Variants in CDH12 observed in about 807,000 individuals in gnomAD.
CDH12 encodes the protein cadherin-12.
CDH12 carries 41 observed loss-of-function variants against 74.1 expected under a neutral mutation model. That is an observed-to-expected ratio of 0.55 (90% CI 0.43 to 0.72). CDH12 has a LOEUF of 0.72. Ranked by LOEUF, CDH12 falls within the 30% of genes least tolerant of loss-of-function variation. CDH12 has a pLI of 0.00. For synonymous variants in CDH12, 399 were observed against 355.0 expected (o/e 1.12, Z -1.39); for missense variants, 945 against 977.2 (o/e 0.97, Z 0.44).
intron 6 of CDH12, among the ~76,000 whole-genome samples, chr5:21,885,125 G>T (rs1214862988): frequency 6.6e-6 from 1 of 152,086 alleles, no homozygotes; most frequent in African/African-American, 2.4e-5. Context: ...GACCTCAGGT[G>T]ATCCACTTGT....
At chr5:22,819,986 T>C (rs1287455422) in intron 1 of CDH12, among the ~76,000 whole-genome samples, 1 of 145,552 alleles carries the variant, frequency 6.9e-6, no homozygotes, top group Admixed American at 7.0e-5. Context: ...TACATATATA[T>C]ACATATACAT....
chr5:22,612,154 T>C (rs1489322342), intron 1 of CDH12, among the ~76,000 whole-genome samples: 1 of 152,174 alleles, frequency 6.6e-6, no homozygotes, highest in Non-Finnish European at 1.5e-5. Flanking sequence ...AAATGATCTT[T>C]CAATACGCTG....
At chr5:21,803,693 T>C (rs557879785) in intron 9 of CDH12, among the ~76,000 whole-genome samples, 213 of 152,270 alleles carry the variant, frequency 1.4e-3, no homozygotes, top group Middle Eastern at 3.4e-3. Context: ...AATTTAACAT[T>C]AACATGGTGA....
At chr5:22,448,976 T>C (rs1382011698) in intron 2 of CDH12, among the ~76,000 whole-genome samples, 1 of 151,820 alleles carries the variant, frequency 6.6e-6, no homozygotes, top group African/African-American at 2.4e-5. Context: ...TGTCTTCATA[T>C]AATAATAAAA....
Position 22,838,339 on chromosome 5 carries a change from G to A in CDH12, c.-523+14719C>T, listed in dbSNP as rs1736925133. ...CAGATTTTCTTGCCAACTTTGACTG[G>A]TTCACCTGCACCCGTGCTTCAGGCA... is the stretch of plus-strand genomic sequence containing the variant. On this transcript the variant is annotated intron_variant, in intron 1 of 14. Transcript: ENST00000382254. 2.0e-5 allele frequency among the ~76,000 whole-genome samples: 3 copies of A among 152,074 alleles called. No individual in the cohort carries two copies. The South Asian group carries it at 6.2e-4, about 31-fold the overall frequency.
At chr5:21,777,877 T>C (rs1003047515) in intron 11 of CDH12, among the ~76,000 whole-genome samples, 3 of 152,206 alleles carry the variant, frequency 2.0e-5, no homozygotes, top group Non-Finnish European at 2.9e-5. Flanking sequence ...TTGAAGTATA[T>C]ATACATTGTA....
intron 2 of CDH12, among the ~76,000 whole-genome samples, chr5:22,484,449 G>T (rs897083784): frequency 1.3e-5 from 2 of 152,112 alleles, no homozygotes; most frequent in Non-Finnish European, 2.9e-5. Context: ...TAATCATGTT[G>T]CACACTCCTT....
chr5:22,601,517 G>A (rs185539298), intron 1 of CDH12, among the ~76,000 whole-genome samples: 74 of 152,088 alleles, frequency 4.9e-4, no homozygotes, highest in East Asian at 4.8e-3. Context: ...ACAATCTCTC[G>A]TGGCATGCCA....
At chr5:21,781,046 C>T (rs973891133) in intron 11 of CDH12, among the ~76,000 whole-genome samples, 4 of 152,092 alleles carry the variant, frequency 2.6e-5, no homozygotes, top group Admixed American at 2.6e-4. Context: ...TGGTAGCTAA[C>T]TCACTGATCA....
intron 3 of CDH12, among the ~76,000 whole-genome samples, chr5:22,345,003 GCATA>G (rs1271000137): frequency 6.6e-6 from 1 of 152,100 alleles, no homozygotes; most frequent in Non-Finnish European, 1.5e-5. Flanking sequence ...TCTGTAATTG[GCATA>G]CATTTCAAAA....
chr5:22,054,521 G>T (rs1451871290), intron 5 of CDH12, among the ~76,000 whole-genome samples: 1 of 151,966 alleles, frequency 6.6e-6, no homozygotes, highest in African/African-American at 2.4e-5. Context: ...CAGATATATG[G>T]TAAAGAAACT....
chr5:22,724,738 G>A (rs1415494575), intron 1 of CDH12, among the ~76,000 whole-genome samples: 1 of 151,736 alleles, frequency 6.6e-6, no homozygotes, highest in Non-Finnish European at 1.5e-5. Context: ...ATGGCATAAT[G>A]TTCCATCTTT....
At chr5:22,532,350 G>GAGATATATATATATATATAT (rs1737621393) in intron 1 of CDH12, among the ~76,000 whole-genome samples, 2 of 27,576 alleles carry the variant, frequency 7.3e-5, no homozygotes, top group South Asian at 1.5e-3. Context: ...ATATAAATAG[G>GAGATATATATATATATATAT]ATATATATAT....
At chr5:22,623,179 A>T (rs2126843688) in intron 1 of CDH12, among the ~76,000 whole-genome samples, 1 of 152,340 alleles carries the variant, frequency 6.6e-6, no homozygotes, top group South Asian at 2.1e-4. Flanking sequence ...TCAAAACAAT[A>T]AGAGCTATTT....
chr5:22,835,666 G>A (rs557930955), intron 1 of CDH12, among the ~76,000 whole-genome samples: 1 of 152,188 alleles, frequency 6.6e-6, no homozygotes, highest in African/African-American at 2.4e-5. Flanking sequence ...TTTTCACTCA[G>A]CATTAGAATC....
intron 3 of CDH12, among the ~76,000 whole-genome samples, chr5:22,234,306 T>C (rs1580431648): frequency 6.6e-6 from 1 of 152,038 alleles, no homozygotes; most frequent in East Asian, 1.9e-4. Flanking sequence ...TTCCCACGTG[T>C]TGTGGGAAGG....
At chr5:22,097,154 C>A (rs1743831190) in intron 4 of CDH12, among the ~76,000 whole-genome samples, 1 of 152,134 alleles carries the variant, frequency 6.6e-6, no homozygotes, top group African/African-American at 2.4e-5. Context: ...AAAGAATGCC[C>A]CACAGCCTAG....
At chr5:22,030,179 G>A (rs890519052) in intron 5 of CDH12, among the ~76,000 whole-genome samples, 8 of 151,706 alleles carry the variant, frequency 5.3e-5, no homozygotes, top group African/African-American at 1.5e-4. Context: ...ATGAGTTAAT[G>A]GGTGCAACAC....
At chr5:21,901,232 A>G (rs1042234551) in intron 6 of CDH12, among the ~76,000 whole-genome samples, 35 of 152,198 alleles carry the variant, frequency 2.3e-4, no homozygotes, top group Non-Finnish European at 3.4e-4. Flanking sequence ...ATTGAAAAAA[A>G]CATGTTTTTG....
Sources: gnomAD v4.1 joint callset for allele counts (sites outside exome capture counted in the v4.1 genomes callset) on GRCh38, gnomAD v4.1.1 for gene constraint, MANE v1.5 for transcripts, NCBI Gene and HGNC (gene_info 2026-07-23, HGNC 2026-07-21) for gene names.